LRCH1: variants seen among roughly 807,000 people sequenced by gnomAD.
LRCH1 encodes the protein leucine rich repeats and calponin homology domain containing 1, also known as leucine-rich repeat and calponin homology domain-containing protein 1.
LRCH1 carries 23 observed loss-of-function variants against 94.9 expected under a neutral mutation model. The observed-to-expected ratio is 0.24, with a 90% confidence interval of 0.17 to 0.34. The LOEUF (loss-of-function observed/expected upper bound fraction) is 0.34. Among genes scored for constraint, LRCH1 ranks in the 10% least tolerant of loss-of-function variants. The pLI is 1.00. For synonymous variants in LRCH1, 364 were observed against 354.9 expected, an observed-to-expected ratio of 1.03 and a Z score of -0.29; for missense variants, 790 against 945.9, an observed-to-expected ratio of 0.84 and a Z score of 2.16.
intron 1 of LRCH1, among the ~76,000 whole-genome samples, chr13:46,578,876 C>A (rs1300684354): frequency 6.6e-6 from 1 of 151,912 alleles, no homozygotes; most frequent in Non-Finnish European, 1.5e-5. Context: ...CCCTGGTTGG[C>A]GGGAGGAGGG....
At position 46,648,762 on chromosome 13, in the gene LRCH1, G is replaced by A. The variant is rs147641785; in HGVS notation, c.308-1439G>A. Among the ~76,000 whole-genome samples, 144 of 151,936 alleles carry A rather than the reference G, an allele frequency of 9.5e-4. 1 individual carries two copies. The highest frequency in any genetic ancestry group is 3.4e-3 in the African/African-American group (139 of 41,460). ...TTGCATATTCCTTAAGATTTGCTGG[G>A]GATTTTGCCCTTTTGCTATTATCAT... On this transcript the variant is annotated intron_variant, in intron 1 of 19. Coordinates refer to ENST00000389797, the MANE Select transcript of LRCH1 (RefSeq NM_001164211.2).
chr13:46,589,572 G>C (rs2050475150), intron 1 of LRCH1, among the ~76,000 whole-genome samples: 1 of 144,544 alleles, frequency 6.9e-6, no homozygotes, highest in Non-Finnish European at 1.5e-5. Context: ...GTTTAATCTA[G>C]CATCTAGAAC....
At chr13:46,627,349 TTTCTGGGAACTAAGTACAAAGGAATGG>T (rs772205512) in intron 1 of LRCH1, among the ~76,000 whole-genome samples, 76 of 152,344 alleles carry the variant, frequency 5.0e-4, no homozygotes, top group Non-Finnish European at 8.2e-4. Context: ...ATCACCCATC[TTTCTGGGAACTAAGTACAAAGGAATGG>T]TTCTGTTTCT....
intron 13 of LRCH1, among the ~76,000 whole-genome samples, chr13:46,709,011 T>C (rs1056233432): frequency 2.0e-5 from 3 of 152,208 alleles, no homozygotes; most frequent in Non-Finnish European, 2.9e-5. Context: ...TAGGCTTTGG[T>C]AAGCAAATTT....
rs148264354 is a variant in LRCH1, at chr13:46,591,266, C to A, written c.307+37563C>A. On this transcript the variant is annotated intron_variant, in intron 1 of 19. Coordinates refer to ENST00000389797, the MANE Select transcript of LRCH1 (RefSeq NM_001164211.2). Reference sequence around the variant, plus strand: ...ACACATCTTTCATATGAAAGTATTTCTTTTAGGGTCCCTTGATAAGCATAT... The same window carrying A: ...ACACATCTTTCATATGAAAGTATTTATTTTAGGGTCCCTTGATAAGCATAT... 2.5e-3 allele frequency among the ~76,000 whole-genome samples: 380 copies of A among 152,266 alleles called. 2 individuals are homozygous for A. The highest frequency in any genetic ancestry group is 8.5e-3 in the African/African-American group (355 of 41,546).
At chr13:46,694,794 AG>A (rs1233430207) in intron 8 of LRCH1, 98 bp from the exon 9 acceptor site, 1 of 1,320,616 alleles carries the variant, frequency 7.6e-7, no homozygotes, top group East Asian at 2.3e-5. Flanking sequence ...TAGGGAACAC[AG>A]AAGACTTGAA....
At chr13:46,624,822 G>A (rs1002330960) in intron 1 of LRCH1, among the ~76,000 whole-genome samples, 3 of 152,232 alleles carry the variant, frequency 2.0e-5, no homozygotes, top group Non-Finnish European at 4.4e-5. Flanking sequence ...AACGATGTTA[G>A]CTACTTTTTC....
chr13:46,712,892 A>G (rs574304341), intron 15 of LRCH1, among the ~76,000 whole-genome samples: 16 of 152,292 alleles, frequency 1.1e-4, no homozygotes, highest in Admixed American at 2.6e-4. Context: ...TACCTAAGGA[A>G]GATAAAATAG....
intron 9 of LRCH1, among the ~76,000 whole-genome samples, chr13:46,698,773 A>AT (rs1297398311): frequency 6.6e-6 from 1 of 152,206 alleles, no homozygotes; most frequent in Non-Finnish European, 1.5e-5. Context: ...CTTGGGCCAC[A>AT]TTTTTTTAAA....
chr13:46,622,077 T>A (rs943733750), intron 1 of LRCH1, among the ~76,000 whole-genome samples: 14 of 152,192 alleles, frequency 9.2e-5, no homozygotes, highest in Non-Finnish European at 1.5e-4. Flanking sequence ...CAGTCTTGAA[T>A]AAACTGAATT....
At chr13:46,724,291 C>T (rs1393689101) in intron 17 of LRCH1, among the ~76,000 whole-genome samples, 3 of 152,194 alleles carry the variant, frequency 2.0e-5, no homozygotes, top group Non-Finnish European at 2.9e-5. Context: ...TGACTGCAGC[C>T]TTGAACTTTT....
chr13:46,597,369 T>G (rs1312575506), intron 1 of LRCH1, among the ~76,000 whole-genome samples: 1 of 152,166 alleles, frequency 6.6e-6, no homozygotes, highest in Non-Finnish European at 1.5e-5. Context: ...GACTTTTTTT[T>G]TTTTTAGATG....
chr13:46,625,632 G>GTTTTT (rs3040224), intron 1 of LRCH1, among the ~76,000 whole-genome samples: 2 of 127,202 alleles, frequency 1.6e-5, no homozygotes, highest in African/African-American at 3.0e-5. Flanking sequence ...AATGTGTGGG[G>GTTTTT]TTTTTTTTTT....
At chr13:46,700,296 A>C (rs745607168) in intron 10 of LRCH1, among the ~76,000 whole-genome samples, 5 of 152,144 alleles carry the variant, frequency 3.3e-5, no homozygotes, top group Non-Finnish European at 7.4e-5. Context: ...TCCTTACAGA[A>C]AGTCATTGGC....
chr13:46,721,775 G>A (rs1217364765), intron 16 of LRCH1, among the ~76,000 whole-genome samples: 2 of 152,156 alleles, frequency 1.3e-5, no homozygotes, highest in Non-Finnish European at 2.9e-5. Context: ...AAGGCGACAG[G>A]CCTTGCGTAC....
intron 1 of LRCH1, among the ~76,000 whole-genome samples, chr13:46,614,816 C>T (rs1340440255): frequency 6.6e-6 from 1 of 152,090 alleles, no homozygotes; most frequent in Non-Finnish European, 1.5e-5. Flanking sequence ...TATCACGGTG[C>T]AGTATCAAAA....
intron 1 of LRCH1, among the ~76,000 whole-genome samples, chr13:46,628,734 G>A (rs2050982290): frequency 6.6e-6 from 1 of 151,656 alleles, no homozygotes; most frequent in Non-Finnish European, 1.5e-5. Flanking sequence ...GGACCCTGGT[G>A]CAGTGTGGGG....
At chr13:46,710,561 A>G (rs1379608481) in intron 13 of LRCH1, among the ~76,000 whole-genome samples, 4 of 152,222 alleles carry the variant, frequency 2.6e-5, no homozygotes, top group African/African-American at 9.6e-5. Flanking sequence ...AGGACAAACT[A>G]GAGGAAAGAA....
At chr13:46,595,014 G>A (rs1241052437) in intron 1 of LRCH1, among the ~76,000 whole-genome samples, 1 of 152,002 alleles carries the variant, frequency 6.6e-6, no homozygotes, top group Non-Finnish European at 1.5e-5. Flanking sequence ...GGCTCTGGGT[G>A]TTCTCCTAGC....
Sources: gnomAD v4.1 joint callset for allele counts (sites outside exome capture counted in the v4.1 genomes callset) on GRCh38, gnomAD v4.1.1 for gene constraint, MANE v1.5 for transcripts, NCBI Gene and HGNC (gene_info 2026-07-23, HGNC 2026-07-21) for gene names.